Variants in HCN2 observed in about 807,000 individuals in gnomAD.
The protein encoded by HCN2 is hyperpolarization activated cyclic nucleotide gated potassium and sodium channel 2.
In HCN2, 20 loss-of-function variants were observed where a neutral mutation model predicts 52.3. That is an observed-to-expected ratio of 0.38 (90% CI 0.27 to 0.56). The LOEUF (loss-of-function observed/expected upper bound fraction) is 0.56, where lower values mean the gene tolerates loss of function less well. HCN2 is among the 20% of genes least tolerant of loss of function. The pLI is 0.71. For synonymous variants in HCN2, 694 were observed against 537.0 expected (o/e 1.29, Z -4.04); for missense variants, 981 against 1,207.7 (o/e 0.81, Z 2.78).
chr19:616,514 C>A lies in HCN2; in HGVS notation c.*40C>A. 1 of 1,157,686 alleles carries A rather than the reference C, an allele frequency of 8.6e-7. No homozygotes were observed. The allele number at this position is 1,157,686 out of a possible 1,614,324, so 71.7% of individuals were successfully genotyped here. On this transcript the variant is annotated 3_prime_UTR_variant, in exon 8 of 8. Coordinates refer to ENST00000251287, the MANE Select transcript of HCN2 (RefSeq NM_001194.4). ...CCCGCGGGCCCAGGCGGGCCGGGGG[C>A]GGGGCCGTCATCCAGACCAAAGCCA...
chr19:594,640 TC>T (rs1982969442), intron 1 of HCN2, among the ~76,000 whole-genome samples: 1 of 152,028 alleles, frequency 6.6e-6, no homozygotes, highest in Admixed American at 6.5e-5. Flanking sequence ...GCTCTGCAAA[TC>T]CGCAGTGATG....
intron 3 of HCN2, among the ~76,000 whole-genome samples, chr19:607,107 GCTGCCGTGAGCCAAGAT>G (rs1983451389): frequency 6.6e-6 from 1 of 152,222 alleles, no homozygotes; most frequent in South Asian, 2.1e-4. Flanking sequence ...GGGAGCGGAG[GCTGCCGTGAGCCAAGAT>G]CGTGCCACTG....
At chr19:598,146 C>T (rs1035797821) in intron 1 of HCN2, among the ~76,000 whole-genome samples, 6 of 152,178 alleles carry the variant, frequency 3.9e-5, no homozygotes, top group Non-Finnish European at 7.3e-5. Flanking sequence ...TGCTGGGGCC[C>T]TGGGGGTCTC....
At chr19:610,914 A>ACC (rs149362545) in intron 5 of HCN2, among the ~76,000 whole-genome samples, 71 of 151,676 alleles carry the variant, frequency 4.7e-4, no homozygotes, top group African/African-American at 1.6e-3. Flanking sequence ...GGGCCGTGCT[A>ACC]CCCCCCCGGA....
Position 591,647 on chromosome 19 carries a change from C to G in HCN2, c.632+1070C>G, listed in dbSNP as rs1982876610. Among the ~76,000 whole-genome samples, 1 of 151,886 alleles carries G rather than the reference C, an allele frequency of 6.6e-6. No homozygotes were observed. Among genetic ancestry groups the G allele is most frequent in the Non-Finnish European group, 1.5e-5 (1 of 67,934 alleles). ...GTGGGGCCCGCCGGGCTAGCGAGGC[C>G]GGGCGCGCGGGACGGGCGCGGTTTC... is the stretch of plus-strand genomic sequence containing the variant. On this transcript the variant is annotated intron_variant, in intron 1 of 7. Transcript: ENST00000251287. This position sits in a 1 kb window ranked among gnomAD's most constrained non-coding sequence, Gnocchi z 4.1.
chr19:609,991 C>T (rs1053653124), intron 4 of HCN2, among the ~76,000 whole-genome samples: 1 of 152,244 alleles, frequency 6.6e-6, no homozygotes, highest in African/African-American at 2.4e-5. Context: ...CTGGCCGCCC[C>T]TGTGTGTGGC....
rs754417803 is a variant in HCN2 at position 613,868 on chromosome 19, C to G, written c.1842C>G (p.Thr614=). ...CACGTGCAGAGATCTGCCTGCTCAC[C>G]CGGGGCCGCCGCACGGCGAGCGTGC... The part of the protein sequence containing the change: ...GSYFGEICLL[T]RGRRTASVRA... The change falls in exon 7 of 8, where the codon ACC becomes ACG. Residue 614 remains threonine (T), a synonymous_variant. Coordinates refer to ENST00000251287, the MANE Select transcript of HCN2 (RefSeq NM_001194.4). 5.0e-6 allele frequency: 8 copies of G among 1,588,054 alleles called. 1 individual carries two copies. Among genetic ancestry groups the G allele is most frequent in the Middle Eastern group, 2.0e-4 (1 of 5,036 alleles).
At chr19:602,611 C>T (rs571176728) in intron 1 of HCN2, among the ~76,000 whole-genome samples, 31 of 152,300 alleles carry the variant, frequency 2.0e-4, no homozygotes, top group African/African-American at 7.0e-4. Flanking sequence ...CTGTGCGCGC[C>T]GCCCTGCCTC....
rs1276424281 is a variant in HCN2, at chr19:590,732, C to T, written c.632+155C>T. 1 of 460,112 alleles carries T rather than the reference C, an allele frequency of 2.2e-6. No individual in the cohort carries two copies. The highest frequency in any genetic ancestry group is 4.4e-5 in the East Asian group (1 of 22,580). The allele number at this position is 460,112 out of a possible 1,614,324, so 28.5% of individuals were successfully genotyped here. On this transcript the variant is annotated intron_variant, in intron 1 of 7. Transcript: ENST00000251287. The surrounding 1 kb of genome is among the most constrained non-coding windows in gnomAD (Gnocchi z 7.2). ...CCTCGGGCGTGTCCGGGACCCGCCCCGGAGTGACCCCGGCGCGCGAGGCTC... is the reference window on the plus strand; with the variant it reads ...CCTCGGGCGTGTCCGGGACCCGCCCTGGAGTGACCCCGGCGCGCGAGGCTC...
chr19:611,730 C>T (rs924298027), intron 5 of HCN2, among the ~76,000 whole-genome samples: 1 of 152,198 alleles, frequency 6.6e-6, no homozygotes, highest in African/African-American at 2.4e-5. Flanking sequence ...CCAGAACATT[C>T]TCATGGGCCC....
chr19:615,393 A>G (rs1293366006), intron 7 of HCN2, among the ~76,000 whole-genome samples: 2 of 152,060 alleles, frequency 1.3e-5, no homozygotes, highest in Non-Finnish European at 2.9e-5. Flanking sequence ...GGGCGCCTGT[A>G]GTCCCAGCTA....
At chr19:593,779 TC>T (rs1982943025) in intron 1 of HCN2, among the ~76,000 whole-genome samples, 1 of 152,084 alleles carries the variant, frequency 6.6e-6, no homozygotes, top group Non-Finnish European at 1.5e-5. Context: ...GGACCCAAGT[TC>T]AAGGTTTTGG....
At chr19:599,464 C>A (rs1405059857) in intron 1 of HCN2, among the ~76,000 whole-genome samples, 1 of 151,920 alleles carries the variant, frequency 6.6e-6, no homozygotes, top group Non-Finnish European at 1.5e-5. Context: ...TAGGGAGGGG[C>A]TGGGCCTGGG....
intron 1 of HCN2, among the ~76,000 whole-genome samples, chr19:599,916 C>T (rs1203585571): frequency 6.8e-6 from 1 of 147,562 alleles, no homozygotes; most frequent in African/African-American, 2.5e-5. Context: ...CTCATGTTAC[C>T]CAGGCTGGTC....
At chr19:609,387 G>A (rs1045510770) in intron 4 of HCN2, among the ~76,000 whole-genome samples, 11 of 152,220 alleles carry the variant, frequency 7.2e-5, no homozygotes, top group Non-Finnish European at 1.0e-4. Context: ...CCGGGAAGGG[G>A]GTCCTGTGTG....
chr19:616,558 G>C lies in HCN2; in HGVS notation c.*84G>C, dbSNP rs1241987187. 2.4e-6 allele frequency: 2 copies of C among 818,974 alleles called. No homozygotes were observed. Among genetic ancestry groups the C allele is most frequent in the African/African-American group, 3.7e-5 (2 of 54,016 alleles). 50.7% of individuals were successfully genotyped at this position (818,974 alleles called of 1,614,324 possible). A position where few individuals can be genotyped will look rare whatever the true frequency, so the allele number is the denominator to read the frequency against. On this transcript the variant is annotated 3_prime_UTR_variant, in exon 8 of 8. Coordinates refer to ENST00000251287, the MANE Select transcript of HCN2 (RefSeq NM_001194.4). ...AAAGCCATGCCATTGCGCTGCCCCG[G>C]CCGCCAGTCCGCCCAGAAGCCATAG...
chr19:603,398 C>G lies in HCN2; in HGVS notation c.633-146C>G, dbSNP rs1379578353. The G allele has an allele frequency of 4.8e-6, 3 of 629,090 alleles. No individual in the cohort carries two copies. In the East Asian group the frequency reaches 8.2e-5, roughly 17 times the overall value. The allele number at this position is 629,090 out of a possible 1,614,324, so 39.0% of individuals were successfully genotyped here. A position where few individuals can be genotyped will look rare whatever the true frequency, so the allele number is the denominator to read the frequency against. On this transcript the variant is annotated intron_variant, in intron 1 of 7. Transcript: ENST00000251287. ...GCCCCTCGTCCCACAGGGAAGAGGG[C>G]CCGGGGCTGGTCCCGCAGGCTCCTC...
intron 3 of HCN2, 26 bp downstream of exon 3, chr19:605,248 G>A (rs368674625): frequency 9.3e-5 from 150 of 1,606,856 alleles, no homozygotes; most frequent in Admixed American, 1.0e-4. Context: ...CCTGACGGAG[G>A]GGGAGACGCA....
intron 3 of HCN2, 23 bp from the exon 4 acceptor site, chr19:607,941 C>T (rs3752159): frequency 0.022 from 34,485 of 1,587,924 alleles, 1,964 homozygotes; most frequent in African/African-American, 0.17. Flanking sequence ...TGCCCACCAC[C>T]GCCCCTCCTG....
Sources: allele counts gnomAD v4.1 joint callset (sites outside exome capture counted in the v4.1 genomes callset), GRCh38; gene constraint gnomAD v4.1.1; non-coding constraint Gnocchi (gnomAD v3.1); transcripts MANE v1.5; gene names NCBI Gene and HGNC (gene_info 2026-07-23, HGNC 2026-07-21).